The following ANK3 variants were observed in gnomAD, a reference collection of about 807,000 sequenced individuals.
ANK3 encodes the protein ankyrin 3, also known as ankyrin-3.
ANK3 carries 57 observed loss-of-function variants against 370.9 expected under a neutral mutation model. The observed-to-expected ratio is 0.15, with a 90% CI of 0.12 to 0.19. ANK3 has a LOEUF of 0.19. ANK3 is among the 10% of genes least tolerant of loss of function. The probability of loss-of-function intolerance (pLI) is 1.00; values close to 1 mark genes in which losing one functional copy is unlikely to be tolerated. For synonymous variants in ANK3, 1,929 were observed against 1,946.3 expected (o/e 0.99, Z 0.23); for missense variants, 4,439 against 5,302.1 (o/e 0.84, Z 5.06).
At chr10:60,517,578 C>T (rs1041869208) in intron 2 of ANK3, among the ~76,000 whole-genome samples, 7 of 152,072 alleles carry the variant, frequency 4.6e-5, no homozygotes, top group African/African-American at 1.4e-4. Flanking sequence ...AAAGTAAAAG[C>T]TATAACTACA....
chr10:60,373,301 G>C (rs1004587159), intron 1 of ANK3, among the ~76,000 whole-genome samples: 3 of 152,136 alleles, frequency 2.0e-5, no homozygotes, highest in Non-Finnish European at 2.9e-5. Flanking sequence ...CCGTCCCTTG[G>C]CTAAGGCAGT....
intron 2 of ANK3, among the ~76,000 whole-genome samples, chr10:60,487,671 T>C (rs949198980): frequency 6.6e-6 from 1 of 151,990 alleles, no homozygotes; most frequent in Non-Finnish European, 1.5e-5. Context: ...ACCTAAGATC[T>C]GCATTTCTAA....
At chr10:60,559,197 G>A (rs1171338605) in intron 2 of ANK3, among the ~76,000 whole-genome samples, 1 of 152,094 alleles carries the variant, frequency 6.6e-6, no homozygotes, top group Non-Finnish European at 1.5e-5. Flanking sequence ...TTTCTGAGAT[G>A]TGGATGTACC....
intron 9 of ANK3, 89 bp from the exon 10 acceptor site, chr10:60,208,322 A>T (rs1450605365): frequency 6.1e-6 from 7 of 1,147,876 alleles, no homozygotes; most frequent in East Asian, 2.5e-5. Flanking sequence ...ACAGATAAAA[A>T]CTCCAGTTCT....
chr10:60,130,993 TA>T (rs1474910149), intron 25 of ANK3, among the ~76,000 whole-genome samples: 2 of 152,254 alleles, frequency 1.3e-5, no homozygotes, highest in African/African-American at 4.8e-5. Flanking sequence ...AACATTGCTA[TA>T]TTTGCTTTAA....
At chr10:60,133,792 G>A (rs939309440) in intron 25 of ANK3, among the ~76,000 whole-genome samples, 8 of 151,986 alleles carry the variant, frequency 5.3e-5, no homozygotes, top group South Asian at 4.2e-4. Flanking sequence ...GTGGTGGTGC[G>A]CCTGTGGTCC....
chr10:60,511,832 C>T (rs1319737139), intron 2 of ANK3, among the ~76,000 whole-genome samples: 1 of 150,610 alleles, frequency 6.6e-6, no homozygotes, highest in African/African-American at 2.4e-5. Context: ...GCAAATTGTG[C>T]AGTACACAGA....
intron 2 of ANK3, among the ~76,000 whole-genome samples, chr10:60,419,314 A>C (rs2063732195): frequency 6.6e-6 from 1 of 152,210 alleles, no homozygotes; most frequent in Admixed American, 6.5e-5. Flanking sequence ...TATTATATGA[A>C]GAGCAAAAAT....
intron 17 of ANK3, 72 bp from the exon 18 acceptor site, chr10:60,181,499 C>T (rs182070133): frequency 5.8e-6 from 8 of 1,385,522 alleles, no homozygotes; most frequent in Non-Finnish European, 8.2e-6. Flanking sequence ...TTTGAGAAAC[C>T]ATTTGTGAAT....
chr10:60,720,905 G>A (rs2079854384), intron 1 of ANK3, among the ~76,000 whole-genome samples: 1 of 152,156 alleles, frequency 6.6e-6, no homozygotes, highest in African/African-American at 2.4e-5. Context: ...GGGACACCAA[G>A]CCCAGACCTT....
chr10:60,381,712 C>G (rs188130386), intron 1 of ANK3, among the ~76,000 whole-genome samples: 1 of 152,282 alleles, frequency 6.6e-6, no homozygotes, highest in Non-Finnish European at 1.5e-5. Context: ...TCTTTTTATG[C>G]AAGGAACCTG....
intron 1 of ANK3, among the ~76,000 whole-genome samples, chr10:60,724,283 T>A (rs549840612): frequency 6.7e-6 from 1 of 149,764 alleles, no homozygotes; most frequent in Non-Finnish European, 1.5e-5. Context: ...CCTGCTGATC[T>A]ACGGTGGACT....
At chr10:60,061,199 T>C (rs981750527) in intron 40 of ANK3, among the ~76,000 whole-genome samples, 42 of 152,222 alleles carry the variant, frequency 2.8e-4, no homozygotes, top group Non-Finnish European at 4.4e-5. Flanking sequence ...TGGTCATCTA[T>C]AAACCAGACT....
chr10:60,201,019 A>G lies in ANK3; in HGVS notation c.1393-792T>C, dbSNP rs577670025. Reference sequence around the variant, plus strand: ...AGATACACTGAAATGGACAAATAACAAAAATGAAATATATTCTCTCACATA... The same window carrying G: ...AGATACACTGAAATGGACAAATAACGAAAATGAAATATATTCTCTCACATA... On this transcript the variant is annotated intron_variant, in intron 12 of 43. Coordinates refer to ENST00000280772, the MANE Select transcript of ANK3 (RefSeq NM_020987.5). 7.2e-5 allele frequency among the ~76,000 whole-genome samples: 11 copies of G among 152,374 alleles called. No individual in the cohort carries two copies. The South Asian group carries it at 2.3e-3, about 32-fold the overall frequency.
chr10:60,126,741 A>G (rs1167675559), intron 25 of ANK3, among the ~76,000 whole-genome samples: 1 of 152,110 alleles, frequency 6.6e-6, no homozygotes, highest in Non-Finnish European at 1.5e-5. Flanking sequence ...GCATTCTCTT[A>G]AATCATAGTT....
rs1368538353 is a variant in ANK3, at chr10:60,405,340, A to C, written c.97-125701T>G. Among the ~76,000 whole-genome samples, 9 of 152,296 alleles carry C rather than the reference A, an allele frequency of 5.9e-5. No individual in the cohort carries two copies. The East Asian group carries it at 1.5e-3, about 26-fold the overall frequency. ...TACAATTAATCTTAAAGAAGGAAAA[A>C]ACCCCTACTGTTACTGAGCATATTA... is the stretch of plus-strand genomic sequence containing the variant. On this transcript the variant is annotated intron_variant, in intron 2 of 43. Coordinates refer to the ANK3 transcript ENST00000373827.
chr10:60,347,144 C>A (rs773809148), intron 1 of ANK3, among the ~76,000 whole-genome samples: 7 of 150,868 alleles, frequency 4.6e-5, no homozygotes, highest in Non-Finnish European at 7.4e-5. Context: ...GATTTGCACA[C>A]TAGCAGGTGT....
rs552219776 is a variant in ANK3 at position 60,032,194 on chromosome 10, C to CTTTTTTTTTTTTTTTTTTTTTTTTTT, written c.*20-2369_*20-2368insAAAAAAAAAAAAAAAAAAAAAAAAAA. 5.6e-4 allele frequency among the ~76,000 whole-genome samples: 24 copies of CTTTTTTTTTTTTTTTTTTTTTTTTTT among 43,128 alleles called. 6 individuals are homozygous for CTTTTTTTTTTTTTTTTTTTTTTTTTT. Among genetic ancestry groups the CTTTTTTTTTTTTTTTTTTTTTTTTTT allele is most frequent in the Non-Finnish European group, 9.4e-4 (21 of 22,390 alleles). 28.3% of individuals were successfully genotyped at this position (43,128 alleles called of 152,430 possible). ...TTCAGCTATTATAAATACACAGCTTCTTTTTTTTTTTTTTTTTTTTTTTTT... is the reference window on the plus strand; with the variant it reads ...TTCAGCTATTATAAATACACAGCTTCTTTTTTTTTTTTTTTTTTTTTTTTTTTTTTTTTTTTTTTTTTTTTTTTTTT... On this transcript the variant is annotated intron_variant, in intron 43 of 43. Coordinates refer to ENST00000280772, the MANE Select transcript of ANK3 (RefSeq NM_020987.5).
chr10:60,355,846 G>GTAAGGATTTTCTTCC (rs150574912), intron 1 of ANK3, among the ~76,000 whole-genome samples: 27,757 of 152,030 alleles, frequency 0.18, 3,074 homozygotes, highest in South Asian at 0.3. Flanking sequence ...AATGAGGCCA[G>GTAAGGATTTTCTTCC]TAAGGATTTT....
Sources: allele counts gnomAD v4.1 joint callset (sites outside exome capture counted in the v4.1 genomes callset), GRCh38; gene constraint gnomAD v4.1.1; transcripts MANE v1.5; gene names NCBI Gene and HGNC (gene_info 2026-07-23, HGNC 2026-07-21).